G6PD: variants seen among roughly 807,000 people sequenced by gnomAD.
G6PD encodes the protein glucose-6-phosphate dehydrogenase.
G6PD carries 2 observed loss-of-function variants against 38.2 expected under a neutral mutation model. The ratio of observed to expected loss-of-function variants is 0.05; its 90% CI spans 0.02 to 0.16. G6PD has a LOEUF of 0.16. G6PD is among the 10% of genes least tolerant of loss of function. The probability of loss-of-function intolerance (pLI) is 1.00; values close to 1 mark genes in which losing one functional copy is unlikely to be tolerated. For missense variants in G6PD, 310 were observed against 471.6 expected, an observed-to-expected ratio of 0.66 and a Z score of 3.17; for synonymous variants, 188 against 196.0, an observed-to-expected ratio of 0.96 and a Z score of 0.34.
chrX:154,532,969 G>A lies in G6PD; in HGVS notation c.1024C>T (p.Leu342Phe), dbSNP rs137852342. The A allele has an allele frequency of 2.1e-5, 26 of 1,210,867 alleles. No individual in the cohort carries two copies. The East Asian group carries it at 7.1e-4, about 33-fold the overall frequency. The change falls in exon 9 of 13, where the codon CTC (leucine) becomes TTC (phenylalanine). Residue 342 changes from leucine to phenylalanine, a missense_variant. Leu to Phe is a conservative substitution (Grantham distance 22, BLOSUM62 0). Transcript: ENST00000393562. ...STTATFAAVVLYVENERWDGV... is the reference protein window; with the variant it reads ...STTATFAAVVFYVENERWDGV... The stretch of plus-strand genomic sequence containing the variant: ...TCCCACCTCTCATTCTCCACATAGA[G>A]GACGACGGCTGCAAAAGTGGCGGTG...
At chrX:154,537,159 G>C (rs1018439923) in intron 2 of G6PD, among the ~76,000 whole-genome samples, 7 of 111,336 alleles carry the variant, frequency 6.3e-5, no homozygotes, top group Non-Finnish European at 1.1e-4. Context: ...CAAAAAATTA[G>C]CCAGGCGTGG....
Position 154,533,897 on chromosome X carries a change from C to T in G6PD, c.770+138G>A, listed in dbSNP as rs1231545303. 63 of 1,197,899 alleles carry T rather than the reference C, an allele frequency of 5.3e-5. No homozygotes were observed. The Admixed American group carries it at 9.7e-4, about 18-fold the overall frequency. ...TGTAGGGGTCCAGCCCTTTCCAGCCCGGTCTGATAGCTCAGACACTTAGGT... is the reference window on the plus strand; with the variant it reads ...TGTAGGGGTCCAGCCCTTTCCAGCCTGGTCTGATAGCTCAGACACTTAGGT... On this transcript the variant is annotated intron_variant, in intron 7 of 12. Transcript: ENST00000393562.
chrX:154,533,366 G>A, intron 8 of G6PD: 2 of 504,371 alleles, frequency 4.0e-6, no homozygotes, highest in Non-Finnish European at 6.6e-6. Context: ...GCCTTCCCTG[G>A]TCACATAGTG....
At chrX:154,536,226 A>G (rs1166830949) in intron 2 of G6PD, 48 bp from the exon 3 acceptor site, 2 of 1,122,891 alleles carry the variant, frequency 1.8e-6, no homozygotes, top group African/African-American at 3.6e-5. Flanking sequence ...TGGGGACACG[A>G]CCTACATACA....
intron 7 of G6PD, 150 bp downstream of exon 7, chrX:154,533,885 C>T: frequency 8.3e-7 from 1 of 1,198,371 alleles, no homozygotes; most frequent in Non-Finnish European, 1.1e-6. Context: ...AGGGGTCCAG[C>T]CCTTTCCAGC....
At chrX:154,540,652 A>AC (rs1223506134) in intron 2 of G6PD, among the ~76,000 whole-genome samples, 20 of 108,001 alleles carry the variant, frequency 1.9e-4, no homozygotes, top group African/African-American at 6.4e-4. Context: ...AAAAAAAAAA[A>AC]AAAACACATG....
At position 154,531,511 on chromosome X, in the gene G6PD, G is replaced by T; in HGVS notation, c.*489C>A. 6.4e-6 allele frequency: 1 copy of T among 156,123 alleles called. No homozygotes were observed. Among genetic ancestry groups the T allele is most frequent in the Non-Finnish European group, 1.3e-5 (1 of 79,456 alleles). The allele number at this position is 156,123 out of a possible 1,213,427, so 12.9% of individuals were successfully genotyped here. A position where few individuals can be genotyped will look rare whatever the true frequency, so the allele number is the denominator to read the frequency against. ...GCACGGGGTGGCCATGGAGTGCAGA[G>T]TTGGTGGGACAGGGGACATCCAGGG... is the stretch of plus-strand genomic sequence containing the variant. On this transcript the variant is annotated 3_prime_UTR_variant, in exon 13 of 13. Transcript: ENST00000393562.
chrX:154,534,496 T>G lies in G6PD; in HGVS notation c.486A>C (p.Ile162=). 1 of 1,211,263 alleles carries G rather than the reference T, an allele frequency of 8.3e-7. No homozygotes were observed. Among genetic ancestry groups the G allele is most frequent in the South Asian group, 1.8e-5 (1 of 57,019 alleles). Residue 162 remains isoleucine, a splice_region_variant and synonymous_variant, in exon 6 of 13, where the codon ATA becomes ATC. Transcript: ENST00000393562. ...TCTCCACGATGATGCGGTTCCAGCCTCTGCTGGGAGCCCGGAGCTGCGTTA... is the reference window on the plus strand; with the variant it reads ...TCTCCACGATGATGCGGTTCCAGCCGCTGCTGGGAGCCCGGAGCTGCGTTA... ...KNIHESCMSQ[I]GWNRIIVEKP...
At chrX:154,532,321 A>G in intron 11 of G6PD, 41 bp from the exon 12 acceptor site, 1 of 1,208,527 alleles carries the variant, frequency 8.3e-7, no homozygotes, top group Non-Finnish European at 1.1e-6. Flanking sequence ...GGTGGCACAC[A>G]GGGAGGGAGG....
chrX:154,539,484 C>T (rs2070451088), intron 2 of G6PD, among the ~76,000 whole-genome samples: 2 of 111,110 alleles, frequency 1.8e-5, no homozygotes. Flanking sequence ...GCCAATTGTA[C>T]AGTTAAGATT....
chrX:154,534,305 C>A (rs782319910), intron 6 of G6PD, 33 bp downstream of exon 6: 5 of 1,208,452 alleles, frequency 4.1e-6, no homozygotes, highest in Middle Eastern at 2.3e-4. Flanking sequence ...GTACCACCCC[C>A]ACCCTGGTCC....
At chrX:154,543,212 G>C (rs1045680811) in intron 2 of G6PD, among the ~76,000 whole-genome samples, 2 of 112,546 alleles carry the variant, frequency 1.8e-5, no homozygotes, top group Admixed American at 1.9e-4. Flanking sequence ...CAGTGCTGGA[G>C]CTGGCACTTC....
Position 154,531,952 on chromosome X carries a change from G to A in G6PD, c.*48C>T. On this transcript the variant is annotated 3_prime_UTR_variant, in exon 13 of 13. Coordinates refer to ENST00000393562, the MANE Select transcript of G6PD (RefSeq NM_001360016.2). ...AGTCCTCCCGACTCGGGGTCGGGCG[G>A]CGGGAAGGAGGGTGGCCGTGGCGGG... The A allele has an allele frequency of 8.4e-7, 1 of 1,189,416 alleles. No individual in the cohort carries two copies. The highest frequency in any genetic ancestry group is 1.7e-5 in the African/African-American group (1 of 57,352).
chrX:154,543,334 C>T lies in G6PD; in HGVS notation c.120+2702G>A, dbSNP rs1173063777. On this transcript the variant is annotated intron_variant, in intron 2 of 12. Transcript: ENST00000393562. ...TGCCCAACCCGAAGCTGGCCACAGGCGGAGGCAGTGAAATGACAAAATCAG... is the reference window on the plus strand; with the variant it reads ...TGCCCAACCCGAAGCTGGCCACAGGTGGAGGCAGTGAAATGACAAAATCAG... Among the ~76,000 whole-genome samples, 5 of 112,446 alleles carry T rather than the reference C, an allele frequency of 4.4e-5. No individual in the cohort carries two copies. The East Asian group carries it at 1.1e-3, about 25-fold the overall frequency.
chrX:154,541,575 A>G (rs2070506136), intron 2 of G6PD, among the ~76,000 whole-genome samples: 1 of 111,741 alleles, frequency 8.9e-6, no homozygotes, highest in Admixed American at 9.5e-5. Flanking sequence ...ACATCGGGAA[A>G]CCTGACAGCT....
Position 154,531,935 on chromosome X carries a change from C to CGACTCGGGG in G6PD, c.*56_*64dup, listed in dbSNP as rs2070340560. 8.6e-7 allele frequency: 1 copy of CGACTCGGGG among 1,166,337 alleles called. No individual in the cohort carries two copies. Among genetic ancestry groups the CGACTCGGGG allele is most frequent in the Non-Finnish European group, 1.1e-6 (1 of 873,564 alleles). ...GAGGTCAATGGTCCCGGAGTCCTCC[C>CGACTCGGGG]GACTCGGGGTCGGGCGGCGGGAAGG... On this transcript the variant is annotated 3_prime_UTR_variant, in exon 13 of 13. Transcript: ENST00000393562.
intron 5 of G6PD, among the ~76,000 whole-genome samples, chrX:154,534,752 C>T (rs1303033197): frequency 3.6e-5 from 4 of 111,669 alleles, no homozygotes; most frequent in African/African-American, 1.3e-4. Context: ...CATGCTGGGT[C>T]CCCGGTGGGT....
At chrX:154,542,877 G>A (rs1310020773) in intron 2 of G6PD, among the ~76,000 whole-genome samples, 1 of 112,101 alleles carries the variant, frequency 8.9e-6, no homozygotes, top group Non-Finnish European at 1.9e-5. Context: ...CTTACTTGCC[G>A]TGGTTCCCTG....
In G6PD at chrX:154,546,051, G is replaced by A; in HGVS notation, c.105C>T (p.Ile35=). The change falls in exon 2 of 13, where the codon ATC becomes ATT. Residue 35 remains isoleucine (I), a synonymous_variant. Transcript: ENST00000393562. ...AFHQSDTHIF[I]IMGASGDLAK... Reference sequence around the variant, plus strand: ...AGATACTCACCGATGCACCCATGATGATGAATATGTGTGTATCCGACTGAT... The same window carrying A: ...AGATACTCACCGATGCACCCATGATAATGAATATGTGTGTATCCGACTGAT... The A allele has an allele frequency of 2.5e-6, 3 of 1,210,986 alleles. No homozygotes were observed. Among genetic ancestry groups the A allele is most frequent in the Middle Eastern group, 2.3e-4 (1 of 4,352 alleles).
Sources: gnomAD v4.1 joint callset for allele counts (sites outside exome capture counted in the v4.1 genomes callset) on GRCh38, gnomAD v4.1.1 for gene constraint, MANE v1.5 for transcripts, NCBI Gene and HGNC (gene_info 2026-07-23, HGNC 2026-07-21) for gene names.